Variants in OLA1 observed in about 807,000 individuals in gnomAD.
The protein encoded by OLA1 is Obg like ATPase 1, also known as obg-like ATPase 1.
Under a neutral mutation model 48.4 loss-of-function variants are expected in OLA1, and 14 were observed. That is an observed-to-expected ratio of 0.29 (90% CI 0.19 to 0.45). OLA1 has a LOEUF of 0.45. OLA1 is among the 20% of genes least tolerant of loss of function. OLA1 has a pLI of 1.00. For synonymous variants in OLA1, 127 were observed against 150.4 expected (o/e 0.84, Z 1.14); for missense variants, 325 against 467.1 (o/e 0.70, Z 2.80).
intron 4 of OLA1, among the ~76,000 whole-genome samples, chr2:174,157,183 AT>A (rs1686907331): frequency 6.6e-6 from 1 of 152,234 alleles, no homozygotes; most frequent in Admixed American, 6.5e-5. Context: ...TATTTAACAA[AT>A]GTTTACTGGA....
intron 4 of OLA1, among the ~76,000 whole-genome samples, chr2:174,194,433 T>C (rs1002709577): frequency 1.6e-4 from 24 of 152,134 alleles, no homozygotes; most frequent in African/African-American, 5.8e-4. Flanking sequence ...TCCATCCCCA[T>C]AGGCACTGTA....
At chr2:174,179,237 C>A (rs1002712082) in intron 4 of OLA1, among the ~76,000 whole-genome samples, 1 of 150,318 alleles carries the variant, frequency 6.7e-6, no homozygotes, top group African/African-American at 2.4e-5. Context: ...TCCTAAAGTA[C>A]AATTTTATGG....
At chr2:174,139,476 A>C (rs1052248735) in intron 5 of OLA1, among the ~76,000 whole-genome samples, 2 of 152,218 alleles carry the variant, frequency 1.3e-5, no homozygotes, top group Non-Finnish European at 2.9e-5. Context: ...CTAGGAAACA[A>C]ACACACTTGG....
intron 8 of OLA1, among the ~76,000 whole-genome samples, 174 bp from the exon 9 acceptor site, chr2:174,081,422 C>T (rs1265757545): frequency 1.3e-5 from 2 of 151,912 alleles, no homozygotes; most frequent in Non-Finnish European, 1.5e-5. Context: ...TTTTAAAAAC[C>T]TCTCTTCTAA....
chr2:174,141,987 A>G lies in OLA1; in HGVS notation c.387T>C (p.Asp129=), dbSNP rs772340984. ...GIFHLTRAFE[D]DDITHVEGSV... ...TTCCTTCAACGTGCGTGATATCATC[A>G]TCTTCAAAAGCACCTAAAATGAATT... is the stretch of plus-strand genomic sequence containing the variant. Residue 129 remains aspartate, a synonymous_variant, in exon 5 of 11, where the codon GAT becomes GAC. Transcript: ENST00000284719. 6.8e-6 allele frequency: 11 copies of G among 1,613,298 alleles called. No individual in the cohort carries two copies. In the East Asian group the frequency reaches 2.0e-4, roughly 29 times the overall value.
rs944334883 is a variant in OLA1, at chr2:174,225,969, C to A, written c.246-2809G>T. ...CAGCACTTTGGGAGGCCGAGGCGGG[C>A]GGATCACGAGGTCAAGAGATCGAGA... On this transcript the variant is annotated intron_variant, in intron 3 of 10. Transcript: ENST00000284719. 2.7e-5 allele frequency among the ~76,000 whole-genome samples: 3 copies of A among 110,090 alleles called. 1 individual carries two copies. The Admixed American group carries it at 2.7e-4, about 10-fold the overall frequency. 72.2% of individuals were successfully genotyped at this position (110,090 alleles called of 152,430 possible). A position where few individuals can be genotyped will look rare whatever the true frequency, so the allele number is the denominator to read the frequency against.
At position 174,131,357 on chromosome 2, in the gene OLA1, C is replaced by T. The variant is rs184843158; in HGVS notation, c.550-7682G>A. Among the ~76,000 whole-genome samples, 5 of 152,190 alleles carry T rather than the reference C, an allele frequency of 3.3e-5. No homozygotes were observed. The East Asian group carries it at 9.6e-4, about 29-fold the overall frequency. ...AATAGTGCACAATTTATACATTCTA[C>T]TGTTAATGGACATCTAGGCTGTTTA... On this transcript the variant is annotated intron_variant, in intron 5 of 10. Transcript: ENST00000284719.
chr2:174,110,995 T>C (rs898800436), intron 7 of OLA1, among the ~76,000 whole-genome samples: 9 of 152,256 alleles, frequency 5.9e-5, no homozygotes, highest in African/African-American at 2.2e-4. Context: ...TTCATACACA[T>C]ACATATGCTT....
At chr2:174,158,845 A>C (rs1381248980) in intron 4 of OLA1, among the ~76,000 whole-genome samples, 1 of 152,156 alleles carries the variant, frequency 6.6e-6, no homozygotes, top group Non-Finnish European at 1.5e-5. Context: ...TATTTATCTA[A>C]AGTCCTCTAA....
intron 1 of OLA1, 60 bp downstream of exon 1, chr2:174,248,392 T>C (rs1489549269): frequency 1.3e-5 from 2 of 157,988 alleles, no homozygotes; most frequent in Admixed American, 6.5e-5. Flanking sequence ...CTCAGGGCAA[T>C]GAGCCCAGGC....
At chr2:174,247,817 C>A (rs1213444695) in intron 1 of OLA1, 2 of 1,544,598 alleles carry the variant, frequency 1.3e-6, no homozygotes, top group African/African-American at 1.4e-5. Flanking sequence ...ATTTACAAGT[C>A]GAAACTTTCT....
chr2:174,072,691 T>C lies in OLA1; in HGVS notation c.*2735A>G, dbSNP rs537582405. On this transcript the variant is annotated 3_prime_UTR_variant, in exon 11 of 11. Coordinates refer to ENST00000284719, the MANE Select transcript of OLA1 (RefSeq NM_013341.5). ...GGAGACGGGGTTTACAAAGGAGCTT[T>C]GGAAATATTATACACAGACAACTAG... 6.6e-6 allele frequency: 1 copy of C among 152,286 alleles called. No individual in the cohort carries two copies. Among genetic ancestry groups the C allele is most frequent in the Non-Finnish European group, 1.5e-5 (1 of 68,032 alleles). The allele number at this position is 152,286 out of a possible 1,614,324, so 9.4% of individuals were successfully genotyped here. A position where few individuals can be genotyped will look rare whatever the true frequency, so the allele number is the denominator to read the frequency against.
chr2:174,240,155 A>G (rs1258476433), intron 2 of OLA1: 1 of 152,134 alleles, frequency 6.6e-6, no homozygotes, highest in African/African-American at 2.4e-5. Context: ...GGGTCTTACT[A>G]TATTGTCCAG....
chr2:174,192,465 T>TCATC (rs1687795017), intron 4 of OLA1, among the ~76,000 whole-genome samples: 1 of 152,170 alleles, frequency 6.6e-6, no homozygotes, highest in South Asian at 2.1e-4. Flanking sequence ...TGGTACGTGC[T>TCATC]CATTCATTCA....
At chr2:174,126,826 G>A (rs972796942) in intron 5 of OLA1, among the ~76,000 whole-genome samples, 2 of 152,266 alleles carry the variant, frequency 1.3e-5, no homozygotes, top group Non-Finnish European at 2.9e-5. Context: ...GTTCTCTTGG[G>A]TGCTCCTTTA....
intron 4 of OLA1, 33 bp downstream of exon 4, chr2:174,223,000 G>C: frequency 6.3e-7 from 1 of 1,579,262 alleles, no homozygotes; most frequent in South Asian, 1.2e-5. Flanking sequence ...TGATCTGAAT[G>C]AAATCAATGA....
At chr2:174,102,076 CAA>C (rs1298641255) in intron 7 of OLA1, among the ~76,000 whole-genome samples, 1 of 151,956 alleles carries the variant, frequency 6.6e-6, no homozygotes, top group African/African-American at 2.4e-5. Flanking sequence ...TTGAAAAGGG[CAA>C]AGAGGAGAAA....
intron 2 of OLA1, among the ~76,000 whole-genome samples, chr2:174,232,265 G>A (rs897766283): frequency 6.6e-6 from 1 of 152,138 alleles, no homozygotes; most frequent in Non-Finnish European, 1.5e-5. Context: ...ATGGGAAGTA[G>A]GGATACCAGT....
intron 5 of OLA1, among the ~76,000 whole-genome samples, chr2:174,135,994 T>C (rs1267864296): frequency 1.3e-5 from 2 of 152,254 alleles, no homozygotes; most frequent in East Asian, 3.8e-4. Flanking sequence ...CAATAGCATG[T>C]CTACAAAAAC....
Sources: gnomAD v4.1 joint callset for allele counts (sites outside exome capture counted in the v4.1 genomes callset) on GRCh38, gnomAD v4.1.1 for gene constraint, MANE v1.5 for transcripts, NCBI Gene and HGNC (gene_info 2026-07-23, HGNC 2026-07-21) for gene names.